Variants in EIF5B observed in about 807,000 individuals in gnomAD.
EIF5B encodes the protein eIF-5B.
Under a neutral mutation model 147.5 loss-of-function variants are expected in EIF5B, and 47 were observed. The ratio of observed to expected loss-of-function variants is 0.32; its 90% CI spans 0.25 to 0.41. The LOEUF is 0.41. EIF5B is among the 10% of genes least tolerant of loss of function. The probability of loss-of-function intolerance (pLI) is 1.00; values close to 1 mark genes in which losing one functional copy is unlikely to be tolerated. For missense variants in EIF5B, 1,064 were observed against 1,413.2 expected (o/e 0.75, Z 3.96); for synonymous variants, 455 against 456.2 (o/e 1.00, Z 0.03).
intron 1 of EIF5B, among the ~76,000 whole-genome samples, chr2:99,350,505 T>G (rs1673925324): frequency 6.6e-6 from 1 of 152,230 alleles, no homozygotes; most frequent in Non-Finnish European, 1.5e-5. Flanking sequence ...GGTTTTGATT[T>G]GCATTTCCCT....
In EIF5B at chr2:99,360,229, A is replaced by T; in HGVS notation, c.36-7A>T. ...TAGCATTTAGGATGTTTTTGTTTTC[A>T]TTTAAGCACCAAGGATGACATTGAT... On this transcript the variant is annotated splice_region_variant and splice_polypyrimidine_tract_variant and intron_variant, in intron 1 of 23. Transcript: ENST00000289371. 2 of 1,574,116 alleles carry T rather than the reference A, an allele frequency of 1.3e-6. No homozygotes were observed. Among genetic ancestry groups the T allele is most frequent in the Non-Finnish European group, 1.7e-6 (2 of 1,168,578 alleles).
Position 99,361,654 on chromosome 2 carries a change from G to T in EIF5B, c.753G>T (p.Arg251=). The T allele has an allele frequency of 6.3e-7, 1 of 1,597,644 alleles. No individual in the cohort carries two copies. The highest frequency in any genetic ancestry group is 8.5e-7 in the Non-Finnish European group (1 of 1,176,254). The part of the protein sequence containing the change: ...KKRDEEKAKL[R]KLKEKEELET... ...GAGATGAAGAAAAAGCGAAACTGCG[G>T]AAGCTGAAAGAAAAAGAAGAGTTAG... is the stretch of plus-strand genomic sequence containing the variant. Residue 251 remains arginine (R), a synonymous_variant, in exon 4 of 24, where the codon CGG becomes CGT. Transcript: ENST00000289371.
intron 21 of EIF5B, among the ~76,000 whole-genome samples, chr2:99,395,100 C>G (rs1328286012): frequency 1.3e-5 from 2 of 152,196 alleles, no homozygotes; most frequent in African/African-American, 2.4e-5. Flanking sequence ...GTTTAATAAT[C>G]TTGGCAGACT....
intron 1 of EIF5B, among the ~76,000 whole-genome samples, chr2:99,359,878 C>T (rs528747136): frequency 9.9e-5 from 15 of 152,222 alleles, no homozygotes; most frequent in African/African-American, 3.4e-4. Context: ...TATTGATCGT[C>T]GAGAAATAAG....
intron 9 of EIF5B, among the ~76,000 whole-genome samples, chr2:99,372,909 T>G (rs1231530343): frequency 3.9e-5 from 6 of 152,200 alleles, no homozygotes; most frequent in Non-Finnish European, 5.9e-5. Context: ...TTTTTGCTTT[T>G]GTTTTTTTTC....
In EIF5B at chr2:99,379,063, A is replaced by G. The variant is rs1345857187; in HGVS notation, c.1887A>G (p.Leu629=). 13 of 1,601,336 alleles carry G rather than the reference A, an allele frequency of 8.1e-6. No individual in the cohort carries two copies. The East Asian group carries it at 1.1e-4, about 14-fold the overall frequency. ...EHSKNVNTEK[L]RAPIICVLGH... ...GTAAAAATGTAAACACCGAAAAGCT[A>G]AGAGCCCCTATTATCTGCGTACTTG... The change falls in exon 11 of 24, where the codon CTA becomes CTG. Residue 629 remains leucine (L), a synonymous_variant. Coordinates refer to ENST00000289371, the MANE Select transcript of EIF5B (RefSeq NM_015904.4).
chr2:99,386,102 T>C (rs569953997), intron 14 of EIF5B, among the ~76,000 whole-genome samples: 278 of 152,392 alleles, frequency 1.8e-3, no homozygotes, highest in Middle Eastern at 3.4e-3. Flanking sequence ...TGAATAATAC[T>C]GCACTTTATC....
Position 99,343,849 on chromosome 2 carries a change from A to G in EIF5B, c.35+6260A>G, listed in dbSNP as rs143706878. Among the ~76,000 whole-genome samples, 450 of 151,510 alleles carry G rather than the reference A, an allele frequency of 3.0e-3. 4 individuals are homozygous for G. The highest frequency in any genetic ancestry group is 0.01 in the African/African-American group (431 of 41,330). On this transcript the variant is annotated intron_variant, in intron 1 of 23. Coordinates refer to ENST00000289371, the MANE Select transcript of EIF5B (RefSeq NM_015904.4). The stretch of plus-strand genomic sequence containing the variant: ...AAAAAAACAAAACTTTTATTGCCTT[A>G]TCTCTTGCATTTTGGTCTTTGTTCC...
chr2:99,360,415 T>C (rs1674183995), intron 2 of EIF5B, 50 bp from the exon 3 acceptor site: 2 of 1,599,026 alleles, frequency 1.3e-6, no homozygotes, highest in Admixed American at 3.4e-5. Context: ...CTGGATTCAC[T>C]TAATAAAAAC....
Position 99,382,987 on chromosome 2 carries a change from A to G in EIF5B, c.2271+66A>G, listed in dbSNP as rs1674722781. ...TTCTTAATTTTTTGTGATTAAAAAAAGTAGTATAATTAACTTACAAGCATA... is the reference window on the plus strand; with the variant it reads ...TTCTTAATTTTTTGTGATTAAAAAAGGTAGTATAATTAACTTACAAGCATA... On this transcript the variant is annotated intron_variant, in intron 14 of 23. Coordinates refer to ENST00000289371, the MANE Select transcript of EIF5B (RefSeq NM_015904.4). 7 of 1,486,212 alleles carry G rather than the reference A, an allele frequency of 4.7e-6. No individual in the cohort carries two copies. In the South Asian group the frequency reaches 9.7e-5, roughly 21 times the overall value. 92.1% of individuals were successfully genotyped at this position (1,486,212 alleles called of 1,614,324 possible).
At position 99,347,821 on chromosome 2, in the gene EIF5B, G is replaced by A. The variant is rs188068513; in HGVS notation, c.35+10232G>A. On this transcript the variant is annotated intron_variant, in intron 1 of 23. Transcript: ENST00000289371. ...TTTTTCATCAACCGGAAACAATTTT[G>A]GGGGGTAGGGGTTGTAAACAAAACC... Among the ~76,000 whole-genome samples, 346 of 152,190 alleles carry A rather than the reference G, an allele frequency of 2.3e-3. 4 individuals are homozygous for A. Among genetic ancestry groups the A allele is most frequent in the African/African-American group, 8.1e-3 (337 of 41,524 alleles).
In EIF5B at chr2:99,383,175, G is replaced by A. The variant is rs1043028881; in HGVS notation, c.2271+254G>A. Among the ~76,000 whole-genome samples, 10 of 151,914 alleles carry A rather than the reference G, an allele frequency of 6.6e-5. No individual in the cohort carries two copies. In the East Asian group the frequency reaches 1.9e-3, roughly 29 times the overall value. On this transcript the variant is annotated intron_variant, in intron 14 of 23. Coordinates refer to ENST00000289371, the MANE Select transcript of EIF5B (RefSeq NM_015904.4). ...TGGTGCCATTTTTCCAACAGCTTGT[G>A]TTCACTTCTTGTCACATTTTGTTAA...
chr2:99,387,749 C>A (rs1674842805), intron 14 of EIF5B, among the ~76,000 whole-genome samples: 1 of 152,180 alleles, frequency 6.6e-6, no homozygotes, highest in African/African-American at 2.4e-5. Context: ...AGAATTGGCT[C>A]TTTTAGCAAT....
chr2:99,347,026 GAC>G (rs1211369005), intron 1 of EIF5B, among the ~76,000 whole-genome samples: 1 of 151,876 alleles, frequency 6.6e-6, no homozygotes, highest in Non-Finnish European at 1.5e-5. Context: ...ATTTTATTGA[GAC>G]AGAATCCCAC....
At chr2:99,382,729 G>C (rs1674715761) in intron 13 of EIF5B, 51 bp from the exon 14 acceptor site, 1 of 1,511,164 alleles carries the variant, frequency 6.6e-7, no homozygotes, top group African/African-American at 1.4e-5. Context: ...TTTAAGAAAA[G>C]TATTAATTTC....
In EIF5B at chr2:99,394,885, T is replaced by C. The variant is rs2104255661; in HGVS notation, c.3254+2T>C. On this transcript the variant is annotated splice_donor_variant, in intron 21 of 23. Transcript: ENST00000289371. LOFTEE classifies it high-confidence loss of function. ...GAAACAGAAACAAGAAGAATTTAAG[T>C]AAGTTACTGTTTTTATTTACTTTGA... 1 of 1,557,292 alleles carries C rather than the reference T, an allele frequency of 6.4e-7. No homozygotes were observed.
Position 99,390,305 on chromosome 2 carries a change from C to T in EIF5B, c.2490C>T (p.Gly830=). The T allele has an allele frequency of 6.2e-7, 1 of 1,614,106 alleles. No individual in the cohort carries two copies. Among genetic ancestry groups the T allele is most frequent in the Non-Finnish European group, 8.5e-7 (1 of 1,180,002 alleles). Residue 830 remains glycine (G), a synonymous_variant, in exon 16 of 24, where the codon GGC becomes GGT. Coordinates refer to ENST00000289371, the MANE Select transcript of EIF5B (RefSeq NM_015904.4). The part of the protein sequence containing the change: ...LVPTSAHTGD[G]MGSLIYLLVE... ...CTACCTCTGCACATACTGGTGATGG[C>T]ATGGGAAGTCTGATCTACCTTCTTG...
At chr2:99,364,523 C>A in intron 6 of EIF5B, 102 bp downstream of exon 6, 1 of 1,157,534 alleles carries the variant, frequency 8.6e-7, no homozygotes, top group Non-Finnish European at 1.2e-6. Context: ...CAGGACAGTT[C>A]CTATGAAAAA....
intron 21 of EIF5B, among the ~76,000 whole-genome samples, chr2:99,395,085 C>A (rs1373746239): frequency 6.6e-6 from 1 of 152,194 alleles, no homozygotes; most frequent in African/African-American, 2.4e-5. Flanking sequence ...TTGTCTGTGA[C>A]TTCAGTTTAA....
Sources: allele counts gnomAD v4.1 joint callset (sites outside exome capture counted in the v4.1 genomes callset), GRCh38; gene constraint gnomAD v4.1.1; transcripts MANE v1.5; gene names NCBI Gene and HGNC (gene_info 2026-07-23, HGNC 2026-07-21).